Variants in CSMD1 observed in about 807,000 individuals in gnomAD.
CSMD1 encodes the protein CUB and Sushi multiple domains 1, also known as CUB and sushi domain-containing protein 1.
A neutral mutation model predicts 417.5 loss-of-function variants in CSMD1; 213 were observed. The observed-to-expected ratio is 0.51, with a 90% confidence interval of 0.46 to 0.57. CSMD1 has a LOEUF of 0.57. CSMD1 is among the 20% of genes least tolerant of loss of function. The pLI, the probability that CSMD1 is intolerant of heterozygous loss-of-function variation, is 0.00. For synonymous variants in CSMD1, 2,862 were observed against 1,736.8 expected, an observed-to-expected ratio of 1.65 and a Z score of -16.11; for missense variants, 6,923 against 4,529.7, an observed-to-expected ratio of 1.53 and a Z score of -15.17.
chr8:3,212,325 A>C (rs543109685), intron 30 of CSMD1, among the ~76,000 whole-genome samples: 46 of 152,186 alleles, frequency 3.0e-4, no homozygotes, highest in Non-Finnish European at 2.8e-4. Flanking sequence ...ACTGATGCAT[A>C]ACCTGGCCTA....
In CSMD1 at chr8:3,307,707, C is replaced by A; in HGVS notation, c.3938G>T (p.Gly1313Val). ...ATAAAACAAGTACCTAATGGTCTTT[C>A]CTGGGTCTGCCTCTATAATCCAGGT... ...HCTWIIEADP[G>V]KTISLHFIVF... is the part of the protein sequence containing the mutation. The change falls in exon 25 of 70, where the codon GGA becomes GTA. Residue 1313 changes from glycine (G) to valine (V), a missense_variant. Gly to Val is a moderately radical substitution (Grantham distance 109). Coordinates refer to ENST00000635120, the MANE Select transcript of CSMD1 (RefSeq NM_033225.6). The A allele has an allele frequency of 6.2e-7, 1 of 1,613,416 alleles. No homozygotes were observed. The highest frequency in any genetic ancestry group is 8.5e-7 in the Non-Finnish European group (1 of 1,179,588).
At chr8:3,146,249 A>G (rs1457389141) in intron 40 of CSMD1, among the ~76,000 whole-genome samples, 2 of 152,100 alleles carry the variant, frequency 1.3e-5, no homozygotes, top group Non-Finnish European at 2.9e-5. Context: ...GTGCCCTTAG[A>G]CACTCTCAAG....
At chr8:4,067,419 T>A (rs1013531423) in intron 3 of CSMD1, among the ~76,000 whole-genome samples, 1 of 152,224 alleles carries the variant, frequency 6.6e-6, no homozygotes, top group African/African-American at 2.4e-5. Context: ...CTAATGAATA[T>A]TTCCCAGAGA....
At chr8:4,688,151 G>T (rs928905408) in intron 1 of CSMD1, among the ~76,000 whole-genome samples, 3 of 152,002 alleles carry the variant, frequency 2.0e-5, no homozygotes, top group African/African-American at 7.2e-5. Context: ...AAGGTTCTAA[G>T]GTATTTGATT....
chr8:3,449,272 C>G (rs956989596), intron 12 of CSMD1, among the ~76,000 whole-genome samples: 8 of 152,156 alleles, frequency 5.3e-5, no homozygotes, highest in African/African-American at 1.7e-4. Flanking sequence ...TGAAAAATAT[C>G]TGAGAGACTA....
intron 12 of CSMD1, among the ~76,000 whole-genome samples, chr8:3,467,773 T>C (rs745844833): frequency 2.6e-5 from 4 of 152,232 alleles, no homozygotes; most frequent in Non-Finnish European, 4.4e-5. Context: ...ACCATGCTTG[T>C]TGATTTAGGA....
At chr8:4,581,085 A>G (rs1799394970) in intron 2 of CSMD1, among the ~76,000 whole-genome samples, 2 of 152,210 alleles carry the variant, frequency 1.3e-5, no homozygotes, top group South Asian at 4.1e-4. Flanking sequence ...ACTACATTTT[A>G]AGGTAAACAT....
chr8:4,403,887 T>A (rs1804828557), intron 3 of CSMD1, among the ~76,000 whole-genome samples: 1 of 152,152 alleles, frequency 6.6e-6, no homozygotes, highest in African/African-American at 2.4e-5. Flanking sequence ...AACTCCTGAT[T>A]CTCACATCCC....
At chr8:3,909,317 G>A (rs1462921848) in intron 5 of CSMD1, among the ~76,000 whole-genome samples, 2 of 152,124 alleles carry the variant, frequency 1.3e-5, no homozygotes, top group Non-Finnish European at 2.9e-5. Context: ...TTCTCCTAGG[G>A]TGATTCGTGT....
intron 3 of CSMD1, among the ~76,000 whole-genome samples, chr8:4,298,611 C>G (rs969178927): frequency 6.6e-5 from 10 of 152,014 alleles, no homozygotes; most frequent in Non-Finnish European, 1.3e-4. Context: ...TTAATGTTAA[C>G]CATATGCAAA....
intron 26 of CSMD1, among the ~76,000 whole-genome samples, chr8:3,279,880 C>T (rs1178036040): frequency 2.0e-5 from 3 of 152,192 alleles, no homozygotes; most frequent in Non-Finnish European, 2.9e-5. Context: ...GATCCAACCA[C>T]CTCCACCTGG....
rs953105266 is a variant in CSMD1, at chr8:4,605,543, C to T, written c.302+31799G>A. 7.2e-5 allele frequency among the ~76,000 whole-genome samples: 11 copies of T among 152,290 alleles called. No homozygotes were observed. The East Asian group carries it at 9.6e-4, about 13-fold the overall frequency. ...AGAGTTAACAGAAAAATTACAATTA[C>T]GCAAATGATAATTATCTTTTCTCTA... On this transcript the variant is annotated intron_variant, in intron 2 of 69. Coordinates refer to ENST00000635120, the MANE Select transcript of CSMD1 (RefSeq NM_033225.6).
intron 4 of CSMD1, among the ~76,000 whole-genome samples, chr8:4,008,442 G>A (rs1255295550): frequency 6.6e-6 from 1 of 151,222 alleles, no homozygotes; most frequent in Non-Finnish European, 1.5e-5. Context: ...TCTGAAATTT[G>A]GTGACAGAAT....
At chr8:4,801,400 T>C (rs925624650) in intron 1 of CSMD1, among the ~76,000 whole-genome samples, 9 of 148,540 alleles carry the variant, frequency 6.1e-5, no homozygotes, top group African/African-American at 2.4e-4. Context: ...AGACACCCTC[T>C]CCCCGTGGGT....
chr8:4,453,824 T>TC (rs1799303283), intron 2 of CSMD1, among the ~76,000 whole-genome samples: 1 of 128,972 alleles, frequency 7.8e-6, no homozygotes, highest in Admixed American at 7.8e-5. Flanking sequence ...CTTTTTTTTT[T>TC]TTTTTTTTTT....
chr8:3,249,351 G>C (rs1800108586), intron 26 of CSMD1, among the ~76,000 whole-genome samples: 1 of 151,986 alleles, frequency 6.6e-6, no homozygotes. Flanking sequence ...GCCACCCGAG[G>C]AGCTGCGACT....
chr8:4,456,326 A>G (rs1387011299), intron 2 of CSMD1, among the ~76,000 whole-genome samples: 2 of 152,228 alleles, frequency 1.3e-5, no homozygotes, highest in East Asian at 3.8e-4. Context: ...TAATAAAAAA[A>G]TTAGTCATAG....
At chr8:3,434,490 C>T (rs565994807) in intron 12 of CSMD1, among the ~76,000 whole-genome samples, 1 of 152,242 alleles carries the variant, frequency 6.6e-6, no homozygotes, top group South Asian at 2.1e-4. Context: ...TGTGTTTTCA[C>T]TGCATTTTGT....
intron 5 of CSMD1, among the ~76,000 whole-genome samples, chr8:3,953,067 G>A (rs972435600): frequency 1.3e-5 from 2 of 151,812 alleles, no homozygotes; most frequent in Admixed American, 1.3e-4. Context: ...GAACAGAAAA[G>A]AAACAGTATT....
Sources: allele counts gnomAD v4.1 joint callset (sites outside exome capture counted in the v4.1 genomes callset), GRCh38; gene constraint gnomAD v4.1.1; transcripts MANE v1.5; gene names NCBI Gene and HGNC (gene_info 2026-07-23, HGNC 2026-07-21).